IL10RB: variants seen among roughly 807,000 people sequenced by gnomAD.
The protein encoded by IL10RB is interleukin-10 receptor subunit beta.
In IL10RB, 30 loss-of-function variants were observed where a neutral mutation model predicts 38.7. The observed-to-expected ratio is 0.78, with a 90% confidence interval of 0.58 to 1.05. The LOEUF is 1.05. IL10RB is among the 50% of genes least tolerant of loss of function. IL10RB has a pLI of 0.00. For synonymous variants in IL10RB, 142 were observed against 145.9 expected (o/e 0.97, Z 0.19); for missense variants, 328 against 397.1 (o/e 0.83, Z 1.48).
intron 1 of IL10RB, among the ~76,000 whole-genome samples, chr21:33,302,992 TCAGGCCCCTGCTGGC>T (rs1425408613): frequency 6.6e-6 from 1 of 152,196 alleles, no homozygotes; most frequent in East Asian, 1.9e-4. Context: ...GGTCAAGGTC[TCAGGCCCCTGCTGGC>T]CATGCTCTTA....
At chr21:33,303,057 C>T (rs950136321) in intron 1 of IL10RB, among the ~76,000 whole-genome samples, 18 of 152,164 alleles carry the variant, frequency 1.2e-4, no homozygotes, top group Admixed American at 4.6e-4. Flanking sequence ...GTGCCCAAGG[C>T]CTTCTTCAGG....
Position 33,288,097 on chromosome 21 carries a change from C to T in IL10RB, c.647-7C>T. 1.2e-6 allele frequency: 2 copies of T among 1,613,970 alleles called. No individual in the cohort carries two copies. The highest frequency in any genetic ancestry group is 1.7e-6 in the Non-Finnish European group (2 of 1,179,914). On this transcript the variant is annotated splice_polypyrimidine_tract_variant and splice_region_variant and intron_variant, in intron 5 of 6. Transcript: ENST00000290200. ...CAAGAATGTAACATGCCCATTACCCCTGGCAGAAACGGTCCCCTCCTGGAT... is the reference window on the plus strand; with the variant it reads ...CAAGAATGTAACATGCCCATTACCCTTGGCAGAAACGGTCCCCTCCTGGAT...
At chr21:33,272,723 G>A (rs1413466862) in intron 2 of IL10RB, among the ~76,000 whole-genome samples, 1 of 152,240 alleles carries the variant, frequency 6.6e-6, no homozygotes, top group Non-Finnish European at 1.5e-5. Context: ...TGGGATTATA[G>A]GCGTGAGCCA....
At chr21:33,289,456 G>T (rs1989442274) in intron 6 of IL10RB, among the ~76,000 whole-genome samples, 2 of 151,998 alleles carry the variant, frequency 1.3e-5, no homozygotes, top group Admixed American at 1.3e-4. Flanking sequence ...CTGAGGGCCC[G>T]CTCTCCTCTC....
chr21:33,285,246 T>C (rs1879287639), intron 5 of IL10RB, among the ~76,000 whole-genome samples: 1 of 152,068 alleles, frequency 6.6e-6, no homozygotes, highest in Non-Finnish European at 1.5e-5. Context: ...AACAGAGAGG[T>C]TAAGTAACTT....
intron 3 of IL10RB, among the ~76,000 whole-genome samples, chr21:33,278,954 T>G (rs965872713): frequency 6.6e-6 from 1 of 152,230 alleles, no homozygotes; most frequent in East Asian, 1.9e-4. Context: ...ATAGTTATTA[T>G]TGAGTACATC....
downstream of IL10RB, among the ~76,000 whole-genome samples, chr21:33,301,814 C>A (rs1347964220): frequency 6.6e-6 from 1 of 152,206 alleles, no homozygotes; most frequent in East Asian, 1.9e-4. Context: ...CAATCACTTA[C>A]CTAAGATCAC....
exon 2 of IL10RB, chr21:33,309,032 G>A (rs906207196): frequency 1.6e-4 from 25 of 152,218 alleles, no homozygotes; most frequent in African/African-American, 6.0e-4. Context: ...CCCAACAGCA[G>A]CTGAAGAGGT....
chr21:33,280,000 A>G lies in IL10RB; in HGVS notation c.498+82A>G, dbSNP rs1989251852. 1.6e-5 allele frequency: 20 copies of G among 1,260,466 alleles called. No individual in the cohort carries two copies. The South Asian group carries it at 2.3e-4, about 14-fold the overall frequency. The allele number at this position is 1,260,466 out of a possible 1,614,324, so 78.1% of individuals were successfully genotyped here. ...CTTGCAAGGTGGCAGCACCTTATGG[A>G]CTGGTCCTCTGTAAGCCAAGAGCTT... On this transcript the variant is annotated intron_variant, in intron 4 of 6. Coordinates refer to ENST00000290200, the MANE Select transcript of IL10RB (RefSeq NM_000628.5).
At chr21:33,288,390 CA>C in intron 6 of IL10RB, 129 bp downstream of exon 6, 2 of 705,502 alleles carry the variant, frequency 2.8e-6, no homozygotes, top group Non-Finnish European at 5.1e-6. Flanking sequence ...CGCACACACA[CA>C]CACACACACA....
intron 6 of IL10RB, among the ~76,000 whole-genome samples, chr21:33,295,951 G>A (rs1426672663): frequency 1.3e-5 from 2 of 151,994 alleles, no homozygotes; most frequent in African/African-American, 4.8e-5. Context: ...GGCTGAGGCA[G>A]GAGAATTGCT....
intron 6 of IL10RB, among the ~76,000 whole-genome samples, chr21:33,288,770 G>A (rs920232737): frequency 1.3e-5 from 2 of 152,200 alleles, no homozygotes; most frequent in African/African-American, 4.8e-5. Flanking sequence ...AAAAGGGTTA[G>A]GAAGAAGAAA....
At chr21:33,301,229 G>C (rs2082985068), downstream of IL10RB, among the ~76,000 whole-genome samples, 1 of 152,114 alleles carries the variant, frequency 6.6e-6, no homozygotes, top group Non-Finnish European at 1.5e-5. Flanking sequence ...TTATGAACTA[G>C]AGACTCAGAG....
chr21:33,284,658 G>C (rs1361179628), intron 5 of IL10RB, among the ~76,000 whole-genome samples: 1 of 152,150 alleles, frequency 6.6e-6, no homozygotes, highest in East Asian at 1.9e-4. Context: ...CATTTCTCAT[G>C]AATGGCTTAT....
chr21:33,303,479 C>T lies in IL10RB; in HGVS notation c.130-5497C>T, dbSNP rs533851536. The stretch of plus-strand genomic sequence containing the variant: ...AAGCGATTCTCCTGCCTCAACCTCC[C>T]GAGTAGCTGGGACTATAGTTGTGTG... On this transcript the variant is annotated intron_variant, in intron 1 of 1. Transcript: ENST00000609556. 3.9e-5 allele frequency among the ~76,000 whole-genome samples: 6 copies of T among 151,930 alleles called. No homozygotes were observed. The East Asian group carries it at 7.7e-4, about 20-fold the overall frequency.
chr21:33,295,674 A>G (rs1288444077), intron 6 of IL10RB, among the ~76,000 whole-genome samples: 1 of 90,008 alleles, frequency 1.1e-5, no homozygotes, highest in Non-Finnish European at 2.4e-5. Context: ...TCCATCTCAA[A>G]AAAAAAAAAA....
At chr21:33,298,055 G>C (rs1321690450), downstream of IL10RB, among the ~76,000 whole-genome samples, 1 of 152,048 alleles carries the variant, frequency 6.6e-6, no homozygotes, top group African/African-American at 2.4e-5. Context: ...CCTCCTCAAG[G>C]GACCTCAGGC....
intron 5 of IL10RB, 53 bp from the exon 6 acceptor site, chr21:33,288,051 T>C: frequency 6.5e-7 from 1 of 1,548,472 alleles, no homozygotes; most frequent in Non-Finnish European, 8.9e-7. Context: ...GCTCTTGGGA[T>C]CACTGTGACC....
At chr21:33,291,755 G>A (rs8178547) in intron 6 of IL10RB, among the ~76,000 whole-genome samples, 4,053 of 152,256 alleles carry the variant, frequency 0.027, 192 homozygotes, top group African/African-American at 0.092. Flanking sequence ...AAGAGTCGAC[G>A]TCATCAGCTT....
Sources: gnomAD v4.1 joint callset for allele counts (sites outside exome capture counted in the v4.1 genomes callset) on GRCh38, gnomAD v4.1.1 for gene constraint, MANE v1.5 for transcripts, NCBI Gene and HGNC (gene_info 2026-07-23, HGNC 2026-07-21) for gene names.